DOCK4: variants seen among roughly 807,000 people sequenced by gnomAD.
DOCK4 encodes the protein dedicator of cytokinesis 4.
A neutral mutation model predicts 268.1 loss-of-function variants in DOCK4; 97 were observed. The ratio of observed to expected loss-of-function variants is 0.36; its 90% confidence interval spans 0.31 to 0.43. The LOEUF (loss-of-function observed/expected upper bound fraction) is 0.43, where lower values mean the gene tolerates loss of function less well. Ranked by LOEUF, DOCK4 falls within the 20% of genes least tolerant of loss-of-function variation. The probability of loss-of-function intolerance (pLI) is 1.00; values close to 1 mark genes in which losing one functional copy is unlikely to be tolerated. For synonymous variants in DOCK4, 954 were observed against 887.2 expected (o/e 1.08, Z -1.34); for missense variants, 2,145 against 2,455.7 (o/e 0.87, Z 2.67).
intron 1 of DOCK4, among the ~76,000 whole-genome samples, chr7:112,074,649 G>A (rs527472068): frequency 3.3e-4 from 51 of 152,282 alleles, no homozygotes; most frequent in Non-Finnish European, 6.5e-4. Flanking sequence ...GTGTTACCCA[G>A]GCAACACTTC....
chr7:111,877,161 T>A lies in DOCK4; in HGVS notation c.1613A>T (p.Asp538Val). The change falls in exon 17 of 53, where the codon GAT becomes GTT. Residue 538 changes from aspartate (D) to valine (V), a missense_variant. This residue lies in a region of DOCK4 where 1,598 missense variants were observed against 1,986.7 expected (regional missense o/e 0.80). Coordinates refer to ENST00000428084, the MANE Select transcript of DOCK4 (RefSeq NM_001363540.2). ...GGGAAGTTTGAGGTAGCGGGTAGTA[T>A]CCTGAAGATTTGTGTTTTCTTCACA... ...HKCEENTNLQDTTRYLKLPFS... is the reference protein window; with the variant it reads ...HKCEENTNLQVTTRYLKLPFS... 1 of 1,544,190 alleles carries A rather than the reference T, an allele frequency of 6.5e-7. No homozygotes were observed. The highest frequency in any genetic ancestry group is 8.7e-7 in the Non-Finnish European group (1 of 1,147,382).
At chr7:111,963,304 T>C (rs1367393947) in intron 8 of DOCK4, among the ~76,000 whole-genome samples, 1 of 144,924 alleles carries the variant, frequency 6.9e-6, no homozygotes, top group Non-Finnish European at 1.5e-5. Context: ...ACCGGGTTCA[T>C]CTCACTAGGG....
Position 111,767,067 on chromosome 7 carries a change from T to C in DOCK4, c.3880A>G (p.Ser1294Gly), listed in dbSNP as rs1233848354. 7 of 1,613,594 alleles carry C rather than the reference T, an allele frequency of 4.3e-6. No homozygotes were observed. The highest frequency in any genetic ancestry group is 1.7e-5 in the Admixed American group (1 of 59,984). ...CTCAGGTTTCTGTAGTCATAATAACTCTCATACTGCTCTGCAATCTTCCGG... is the reference window on the plus strand; with the variant it reads ...CTCAGGTTTCTGTAGTCATAATAACCCTCATACTGCTCTGCAATCTTCCGG... ...LCRKIAEQYESYYDYRNLSKM... is the reference protein window; with the variant it reads ...LCRKIAEQYEGYYDYRNLSKM... Residue 1294 changes from serine (S) to glycine (G), a missense_variant, in exon 38 of 53, where the codon AGT (serine) becomes GGT (glycine). Physicochemically the swap from Ser to Gly is moderately conservative, Grantham distance 56. Coordinates refer to ENST00000428084, the MANE Select transcript of DOCK4 (RefSeq NM_001363540.2).
intron 1 of DOCK4, among the ~76,000 whole-genome samples, chr7:112,064,518 T>C (rs1239463666): frequency 6.6e-6 from 1 of 152,224 alleles, no homozygotes; most frequent in Non-Finnish European, 1.5e-5. Flanking sequence ...ACTAAGTCTC[T>C]GTTTTGTTTA....
At chr7:111,895,545 T>C in intron 16 of DOCK4, 67 bp downstream of exon 16, 1 of 1,313,670 alleles carries the variant, frequency 7.6e-7, no homozygotes, top group Non-Finnish European at 1.1e-6. Context: ...TTCAAAATGA[T>C]AAGATAGTGA....
At chr7:111,991,811 A>C (rs1799553498) in intron 5 of DOCK4, among the ~76,000 whole-genome samples, 1 of 151,806 alleles carries the variant, frequency 6.6e-6, no homozygotes, top group Non-Finnish European at 1.5e-5. Context: ...AATACAAAAA[A>C]ATTAGCCAGG....
At chr7:111,833,583 A>T (rs906442483) in intron 26 of DOCK4, among the ~76,000 whole-genome samples, 1 of 152,064 alleles carries the variant, frequency 6.6e-6, no homozygotes, top group African/African-American at 2.4e-5. Flanking sequence ...AATGAAAAAC[A>T]TGATGCCATA....
At chr7:112,027,219 T>C (rs1048698391) in intron 1 of DOCK4, among the ~76,000 whole-genome samples, 1 of 152,098 alleles carries the variant, frequency 6.6e-6, no homozygotes, top group African/African-American at 2.4e-5. Flanking sequence ...TTTTTTGTTT[T>C]GTTTTGTTTC....
intron 8 of DOCK4, among the ~76,000 whole-genome samples, chr7:111,963,994 G>A (rs1322479693): frequency 1.0e-5 from 1 of 96,958 alleles, no homozygotes; most frequent in East Asian, 4.0e-4. Context: ...GCAGCTGAGG[G>A]TCCTGTCTGT....
chr7:112,048,381 T>TA, intron 1 of DOCK4, among the ~76,000 whole-genome samples: 1 of 43,452 alleles, frequency 2.3e-5, no homozygotes, highest in East Asian at 6.1e-4. Flanking sequence ...CCATCTCTAC[T>TA]AAAAATACAA....
At chr7:112,139,136 C>A (rs929510652) in intron 1 of DOCK4, among the ~76,000 whole-genome samples, 1 of 152,070 alleles carries the variant, frequency 6.6e-6, no homozygotes, top group Non-Finnish European at 1.5e-5. Context: ...GATAAGAAAC[C>A]GGTAGCTTCA....
At chr7:111,831,772 A>C (rs1208004857) in intron 26 of DOCK4, among the ~76,000 whole-genome samples, 1 of 152,144 alleles carries the variant, frequency 6.6e-6, no homozygotes, top group Non-Finnish European at 1.5e-5. Flanking sequence ...TACAGGCATG[A>C]GGTACCGTGT....
At chr7:111,741,486 C>T (rs904104103) in intron 46 of DOCK4, 54 bp downstream of exon 46, 32 of 1,595,792 alleles carry the variant, frequency 2.0e-5, no homozygotes, top group Non-Finnish European at 2.7e-5. Flanking sequence ...AGAACCATTC[C>T]AGATCAGCTT....
rs1351994663 is a variant in DOCK4 at position 111,868,037 on chromosome 7, G to A, written c.2227C>T (p.Arg743Cys). ...CCIQELLMSV[R>C]FFLSQESKGS... ...TTGCTCTCTTGCGAAAGAAAGAAAC[G>A]GACTGACATGAGAAGCTCCTGAATG... The change falls in exon 22 of 53, where the codon CGT becomes TGT. Residue 743 changes from arginine (R) to cysteine (C), a missense_variant. By Grantham distance (180) the Arg-to-Cys change is radical (BLOSUM62 -3). This residue lies in a region of DOCK4 where 1,598 missense variants were observed against 1,986.7 expected (regional missense o/e 0.80). Coordinates refer to ENST00000428084, the MANE Select transcript of DOCK4 (RefSeq NM_001363540.2). The A allele has an allele frequency of 1.2e-6, 2 of 1,612,528 alleles. No homozygotes were observed. The highest frequency in any genetic ancestry group is 1.3e-5 in the African/African-American group (1 of 74,848).
At chr7:112,018,732 A>G (rs1021863529) in intron 1 of DOCK4, among the ~76,000 whole-genome samples, 3 of 146,824 alleles carry the variant, frequency 2.0e-5, no homozygotes, top group Admixed American at 1.4e-4. Context: ...CAAAATCCCT[A>G]TGCTTAGCTA....
Position 112,077,337 on chromosome 7 carries a change from T to C in DOCK4, c.38-73206A>G, listed in dbSNP as rs148305854. 3.9e-5 allele frequency among the ~76,000 whole-genome samples: 6 copies of C among 152,092 alleles called. No homozygotes were observed. In the South Asian group the frequency reaches 1.0e-3, roughly 26 times the overall value. ...CTGAACATTAAAGACAAAAATAGAATAGTATTTACATTAACTACTATGGGA... is the reference window on the plus strand; with the variant it reads ...CTGAACATTAAAGACAAAAATAGAACAGTATTTACATTAACTACTATGGGA... On this transcript the variant is annotated intron_variant, in intron 1 of 52. Coordinates refer to ENST00000428084, the MANE Select transcript of DOCK4 (RefSeq NM_001363540.2).
At chr7:112,093,308 T>C (rs2135771195) in intron 1 of DOCK4, among the ~76,000 whole-genome samples, 1 of 152,318 alleles carries the variant, frequency 6.6e-6, no homozygotes. Flanking sequence ...CTGTTAACAC[T>C]GTTAAGTAAT....
chr7:111,933,228 ACACATATATACG>A (rs1794381960), intron 12 of DOCK4, among the ~76,000 whole-genome samples: 15 of 146,300 alleles, frequency 1.0e-4, no homozygotes, highest in African/African-American at 3.5e-4. Flanking sequence ...ATACGTATAT[ACACATATATACG>A]TATATATACA....
intron 44 of DOCK4, among the ~76,000 whole-genome samples, 194 bp downstream of exon 44, chr7:111,746,140 G>A (rs1174928470): frequency 6.6e-6 from 1 of 152,144 alleles, no homozygotes; most frequent in East Asian, 1.9e-4. Context: ...TCTACTCATT[G>A]TTAAATTAAT....
Sources: gnomAD v4.1 joint callset for allele counts (sites outside exome capture counted in the v4.1 genomes callset) on GRCh38, gnomAD v4.1.1 for gene constraint, gnomAD v4.1.1 regional missense constraint, MANE v1.5 for transcripts, NCBI Gene and HGNC (gene_info 2026-07-23, HGNC 2026-07-21) for gene names.